The following SLC44A2 variants were observed in gnomAD, a reference collection of about 807,000 sequenced individuals.
The protein encoded by SLC44A2 is solute carrier family 44 member 2 (CTL2 blood group).
In SLC44A2, 57 loss-of-function variants were observed where a neutral mutation model predicts 90.8. The ratio of observed to expected loss-of-function variants is 0.63; its 90% CI spans 0.51 to 0.78. The LOEUF is 0.78. SLC44A2 is among the 30% of genes least tolerant of loss of function. SLC44A2 has a pLI of 0.00. For synonymous variants in SLC44A2, 355 were observed against 360.7 expected (o/e 0.98, Z 0.18); for missense variants, 794 against 919.7 (o/e 0.86, Z 1.77).
chr19:10,641,133 G>A (rs1022598535), intron 20 of SLC44A2: 4 of 390,588 alleles, frequency 1.0e-5, no homozygotes, highest in Middle Eastern at 3.8e-4. Context: ...GGGCCCACAT[G>A]TATAATCCCA....
At chr19:10,615,793 C>T (rs1411370600) in intron 1 of SLC44A2, among the ~76,000 whole-genome samples, 1 of 152,066 alleles carries the variant, frequency 6.6e-6, no homozygotes, top group African/African-American at 2.4e-5. Context: ...TCTTTCACAC[C>T]ATGGGCACCT....
intron 21 of SLC44A2, chr19:10,642,919 C>G: frequency 1.9e-6 from 3 of 1,593,918 alleles, no homozygotes; most frequent in Non-Finnish European, 2.5e-6. Context: ...AAAGGAATGA[C>G]GGCTCTCAGG....
At position 10,636,390 on chromosome 19, in the gene SLC44A2, G is replaced by T; in HGVS notation, c.1301G>T (p.Gly434Val). ...CGTTGCCAGTTCGCCTTCTACGGTGGTGAGTCGGGCTACCACCGGGCCCTG... is the reference window on the plus strand; with the variant it reads ...CGTTGCCAGTTCGCCTTCTACGGTGTTGAGTCGGGCTACCACCGGGCCCTG... Reference protein sequence around the residue: ...NARCQFAFYGGESGYHRALLG... With the variant: ...NARCQFAFYGVESGYHRALLG... The change falls in exon 15 of 22, where the codon GGT (glycine) becomes GTT (valine). Residue 434 changes from glycine to valine, a missense_variant. Gly to Val is a moderately radical substitution (Grantham distance 109, BLOSUM62 -3). This residue lies in a region of SLC44A2 where 738 missense variants were observed against 841.1 expected (regional missense o/e 0.88). Coordinates refer to ENST00000335757, the MANE Select transcript of SLC44A2 (RefSeq NM_020428.4). 1 of 1,613,890 alleles carries T rather than the reference G, an allele frequency of 6.2e-7. No homozygotes were observed. The highest frequency in any genetic ancestry group is 1.1e-5 in the South Asian group (1 of 91,048).
At chr19:10,631,182 T>C in intron 5 of SLC44A2, 41 bp downstream of exon 5, 1 of 1,607,120 alleles carries the variant, frequency 6.2e-7, no homozygotes, top group South Asian at 1.1e-5. Flanking sequence ...TCTCCCCGCT[T>C]CCCATCCTTT....
intron 21 of SLC44A2, 86 bp downstream of exon 21, chr19:10,642,537 C>T (rs955685593): frequency 1.5e-5 from 19 of 1,259,082 alleles, no homozygotes; most frequent in Admixed American, 5.3e-5. Context: ...CGGGGCAACA[C>T]GCTTGCCTGC....
At chr19:10,624,000 TATTG>T (rs1190809656), upstream of SLC44A2, among the ~76,000 whole-genome samples, 2 of 149,834 alleles carry the variant, frequency 1.3e-5, no homozygotes, top group Non-Finnish European at 3.0e-5. Flanking sequence ...ATTTTTGATT[TATTG>T]ATTGATTGAT....
chr19:10,610,264 T>A (rs1041111603), intron 1 of SLC44A2, among the ~76,000 whole-genome samples: 1 of 151,688 alleles, frequency 6.6e-6, no homozygotes, highest in Non-Finnish European at 1.5e-5. Context: ...ATCTTTAATA[T>A]CTTGTCCTTA....
At chr19:10,628,166 C>T (rs983060145) in intron 4 of SLC44A2, among the ~76,000 whole-genome samples, 162 bp downstream of exon 4, 1 of 152,118 alleles carries the variant, frequency 6.6e-6, no homozygotes, top group African/African-American at 2.4e-5. Flanking sequence ...AGGAATATTG[C>T]TTTAGGCTAG....
intron 1 of SLC44A2, chr19:10,602,573 C>T (rs189105123): frequency 0.016 from 20,854 of 1,270,118 alleles, 202 homozygotes; most frequent in Non-Finnish European, 0.019. Context: ...TAGGAGCCGC[C>T]TCCGGTCAGG....
At position 10,642,645 on chromosome 19, in the gene SLC44A2, C is replaced by T. The variant is rs534661333; in HGVS notation, c.2014+194C>T. ...TTAGAAGCAGCTCCGACCTCCTGTCCACTGGCCCAGGCTGCAGCCTGGACG... is the reference window on the plus strand; with the variant it reads ...TTAGAAGCAGCTCCGACCTCCTGTCTACTGGCCCAGGCTGCAGCCTGGACG... On this transcript the variant is annotated intron_variant, in intron 21 of 21. Transcript: ENST00000335757. 9.5e-4 allele frequency among the ~76,000 whole-genome samples: 145 copies of T among 152,308 alleles called. 1 individual carries two copies. The South Asian group carries it at 0.027, about 29-fold the overall frequency.
chr19:10,614,350 C>T (rs927048129), intron 1 of SLC44A2, among the ~76,000 whole-genome samples: 3 of 151,990 alleles, frequency 2.0e-5, no homozygotes. Flanking sequence ...ACCCTCAAAC[C>T]ACATGGGTGT....
Position 10,626,238 on chromosome 19 carries a change from CT to C in SLC44A2, c.38-13del. ...GGTCTCCAATCCCATCCATCTTAAT[CT>C]TCTTGACTTTCAGGAACGCCACAGA... On this transcript the variant is annotated splice_polypyrimidine_tract_variant and intron_variant, in intron 1 of 21. Transcript: ENST00000335757. 6.2e-7 allele frequency: 1 copy of C among 1,610,278 alleles called. No homozygotes were observed. The highest frequency in any genetic ancestry group is 8.5e-7 in the Non-Finnish European group (1 of 1,176,524).
intron 10 of SLC44A2, among the ~76,000 whole-genome samples, chr19:10,633,418 C>T (rs1250423611): frequency 1.3e-5 from 2 of 151,862 alleles, no homozygotes; most frequent in Admixed American, 1.3e-4. Flanking sequence ...CCTCGACCTC[C>T]CAAAGTGCTG....
upstream of SLC44A2, among the ~76,000 whole-genome samples, chr19:10,622,927 C>T (rs979141764): frequency 1.1e-4 from 16 of 152,140 alleles, no homozygotes; most frequent in Middle Eastern, 3.4e-3. Flanking sequence ...TAGATGCCGC[C>T]GCACTGAGTA....
At position 10,635,196 on chromosome 19, in the gene SLC44A2, C is replaced by T; in HGVS notation, c.1089C>T (p.Tyr363=). 6.2e-7 allele frequency: 1 copy of T among 1,614,044 alleles called. No homozygotes were observed. The highest frequency in any genetic ancestry group is 1.1e-5 in the South Asian group (1 of 91,082). The stretch of plus-strand genomic sequence containing the variant: ...GATACGTCATGTGCTCCTTGCTCTA[C>T]CCACTGGTCACCTTCTTCTTGCTGT... The part of the protein sequence containing the change: ...AVGYVMCSLL[Y]PLVTFFLLCL... The change falls in exon 13 of 22, where the codon TAC becomes TAT. Residue 363 remains tyrosine (Y), a synonymous_variant. Transcript: ENST00000335757.
At chr19:10,638,505 G>A (rs2067082951) in intron 20 of SLC44A2, among the ~76,000 whole-genome samples, 190 bp downstream of exon 20, 3 of 152,142 alleles carry the variant, frequency 2.0e-5, no homozygotes, top group Admixed American at 6.6e-5. Context: ...GTGCAGTGGT[G>A]CAATCTTGAC....
chr19:10,612,516 T>C, intron 1 of SLC44A2, among the ~76,000 whole-genome samples: 1 of 152,200 alleles, frequency 6.6e-6, no homozygotes, highest in Non-Finnish European at 1.5e-5. Context: ...CCTCAAACCC[T>C]TTGTCAAAAG....
At chr19:10,612,427 T>C (rs1918331339) in intron 1 of SLC44A2, among the ~76,000 whole-genome samples, 1 of 152,170 alleles carries the variant, frequency 6.6e-6, no homozygotes, top group African/African-American at 2.4e-5. Context: ...TCTGGTTTGG[T>C]GCCTAACATA....
chr19:10,614,069 A>G (rs146748738), intron 1 of SLC44A2, among the ~76,000 whole-genome samples: 14,051 of 151,906 alleles, frequency 0.092, 685 homozygotes, highest in Middle Eastern at 0.13. Context: ...GGTTTCAAGC[A>G]ATTCTACTGC....
Sources: allele counts gnomAD v4.1 joint callset (sites outside exome capture counted in the v4.1 genomes callset), GRCh38; gene constraint gnomAD v4.1.1; regional missense constraint gnomAD v4.1.1; transcripts MANE v1.5; gene names NCBI Gene and HGNC (gene_info 2026-07-23, HGNC 2026-07-21).